PGM5: variants seen among roughly 807,000 people sequenced by gnomAD.
PGM5 encodes the protein phosphoglucomutase 5.
A neutral mutation model predicts 59.2 loss-of-function variants in PGM5; 23 were observed. The ratio of observed to expected loss-of-function variants is 0.39; its 90% CI spans 0.28 to 0.55. The LOEUF (loss-of-function observed/expected upper bound fraction) is 0.55. Among genes scored for constraint, PGM5 ranks in the 20% least tolerant of loss-of-function variants. PGM5 has a pLI of 0.66. For missense variants in PGM5, 574 were observed against 748.3 expected, an observed-to-expected ratio of 0.77 and a Z score of 2.72; for synonymous variants, 214 against 286.0, an observed-to-expected ratio of 0.75 and a Z score of 2.54.
chr9:68,493,890 A>G (rs1432624477), intron 9 of PGM5, among the ~76,000 whole-genome samples: 1 of 152,210 alleles, frequency 6.6e-6, no homozygotes, highest in East Asian at 1.9e-4. Flanking sequence ...ATAGCTGCAT[A>G]TGGACAAGGG....
At chr9:68,480,422 AGGCCAGGTGTG>A (rs1392401215) in intron 8 of PGM5, among the ~76,000 whole-genome samples, 1 of 152,154 alleles carries the variant, frequency 6.6e-6, no homozygotes, top group Non-Finnish European at 1.5e-5. Context: ...AAAGAGGTAC[AGGCCAGGTGTG>A]GTGGCTCACG....
chr9:68,508,556 G>A (rs1824693688), intron 10 of PGM5, among the ~76,000 whole-genome samples: 1 of 152,264 alleles, frequency 6.6e-6, no homozygotes, highest in Admixed American at 6.5e-5. Context: ...CATGTCTAAA[G>A]CACATGCTTA....
intron 9 of PGM5, among the ~76,000 whole-genome samples, chr9:68,489,128 A>G (rs1412867278): frequency 1.3e-5 from 2 of 152,158 alleles, no homozygotes; most frequent in Non-Finnish European, 2.9e-5. Context: ...GTCTCTTACT[A>G]TGATCTTTTC....
chr9:68,428,455 CT>C, intron 6 of PGM5: 2 of 152,296 alleles, frequency 1.3e-5, no homozygotes, highest in East Asian at 1.9e-4. Flanking sequence ...CAAATTCAAA[CT>C]TTTTCATTTC....
chr9:68,521,426 A>G (rs1401935468), intron 10 of PGM5, among the ~76,000 whole-genome samples: 1 of 152,196 alleles, frequency 6.6e-6, no homozygotes, highest in African/African-American at 2.4e-5. Context: ...AAAATGGAGA[A>G]TGGAGAGAGT....
intron 2 of PGM5, among the ~76,000 whole-genome samples, chr9:68,381,614 T>G (rs1367632918): frequency 8.0e-5 from 12 of 149,888 alleles, no homozygotes; most frequent in African/African-American, 2.3e-4. Context: ...ATCCTATATA[T>G]AGAGAATTCT....
intron 1 of PGM5, among the ~76,000 whole-genome samples, chr9:68,373,568 C>T (rs2131986152): frequency 6.6e-6 from 1 of 152,098 alleles, no homozygotes; most frequent in East Asian, 1.9e-4. Flanking sequence ...AGTCCTTGCC[C>T]CAAAGTGGAC....
At chr9:68,478,151 T>C (rs543126201) in intron 7 of PGM5, among the ~76,000 whole-genome samples, 6 of 152,326 alleles carry the variant, frequency 3.9e-5, no homozygotes, top group Admixed American at 6.5e-5. Flanking sequence ...AGAGAGAGCT[T>C]ATAACTGGCT....
At chr9:68,456,395 C>T (rs1177752372) in intron 6 of PGM5, among the ~76,000 whole-genome samples, 1 of 151,718 alleles carries the variant, frequency 6.6e-6, no homozygotes, top group Non-Finnish European at 1.5e-5. Flanking sequence ...ACTGCAATCT[C>T]CGCCTCCCAG....
chr9:68,391,730 T>C lies in PGM5; in HGVS notation c.888+6T>C. ...CTGCATTTGATGCTGATGGGGTAAG[T>C]AGGAAAGCTGTCTGTCTGCTGACCC... On this transcript the variant is annotated splice_donor_region_variant and intron_variant, in intron 5 of 10. Transcript: ENST00000396396. 2 of 1,612,558 alleles carry C rather than the reference T, an allele frequency of 1.2e-6. No homozygotes were observed. The highest frequency in any genetic ancestry group is 1.7e-6 in the Non-Finnish European group (2 of 1,178,976).
chr9:68,469,806 A>G (rs565836720), intron 7 of PGM5, among the ~76,000 whole-genome samples: 1 of 152,358 alleles, frequency 6.6e-6, no homozygotes, highest in African/African-American at 2.4e-5. Flanking sequence ...AAGGTTGGAA[A>G]GATGAAAGGA....
In PGM5 at chr9:68,467,014, G is replaced by A. The variant is rs117548361; in HGVS notation, c.1159+1806G>A. On this transcript the variant is annotated intron_variant, in intron 7 of 10. Coordinates refer to ENST00000396396, the MANE Select transcript of PGM5 (RefSeq NM_021965.4). ...ACCTGGGGATGAGAAGGTTTTTAGC[G>A]TGTACACCTAGGAACATAAAGCATT... Among the ~76,000 whole-genome samples the A allele has an allele frequency of 6.4e-3, 974 of 152,224 alleles. 8 individuals are homozygous for A. The highest frequency in any genetic ancestry group is 0.02 in the Middle Eastern group (6 of 294).
chr9:68,430,871 T>G (rs185565121), intron 6 of PGM5, among the ~76,000 whole-genome samples: 56 of 152,378 alleles, frequency 3.7e-4, no homozygotes, highest in Middle Eastern at 3.4e-3. Flanking sequence ...CTCAGCTGTC[T>G]TTTGTAATTA....
At chr9:68,513,210 G>GA (rs1477449791) in intron 10 of PGM5, among the ~76,000 whole-genome samples, 1 of 152,150 alleles carries the variant, frequency 6.6e-6, no homozygotes, top group Non-Finnish European at 1.5e-5. Flanking sequence ...AAGTTTTAGG[G>GA]AAAAAAATAT....
chr9:68,429,832 A>G (rs1319588598), intron 6 of PGM5, among the ~76,000 whole-genome samples: 6 of 152,218 alleles, frequency 3.9e-5, no homozygotes, highest in Non-Finnish European at 8.8e-5. Flanking sequence ...TGCGATTTAC[A>G]ACAGTTTTCT....
chr9:68,371,206 G>C (rs1821713011), intron 1 of PGM5, among the ~76,000 whole-genome samples: 1 of 152,214 alleles, frequency 6.6e-6, no homozygotes. Flanking sequence ...GCCAAACCCA[G>C]ACCCTATGGT....
chr9:68,357,524 T>C lies in PGM5; in HGVS notation c.261+136T>C, dbSNP rs1587765272. 4 of 1,481,246 alleles carry C rather than the reference T, an allele frequency of 2.7e-6. No individual in the cohort carries two copies. In the East Asian group the frequency reaches 7.4e-5, roughly 28 times the overall value. 91.8% of individuals were successfully genotyped at this position (1,481,246 alleles called of 1,614,324 possible). On this transcript the variant is annotated intron_variant, in intron 1 of 10. Coordinates refer to ENST00000396396, the MANE Select transcript of PGM5 (RefSeq NM_021965.4). ...GCTTTGCTACCTCACTCCCGCGTCC[T>C]CACCCTCCAGCGCCCCACTCCCGCC...
At chr9:68,416,785 T>C (rs772678333) in intron 6 of PGM5, among the ~76,000 whole-genome samples, 9 of 152,222 alleles carry the variant, frequency 5.9e-5, no homozygotes, top group Non-Finnish European at 8.8e-5. Flanking sequence ...TTCTGTTTGG[T>C]CTCTTTAAGC....
chr9:68,444,818 G>T (rs550033383), intron 6 of PGM5, among the ~76,000 whole-genome samples: 18 of 152,294 alleles, frequency 1.2e-4, no homozygotes, highest in Admixed American at 2.6e-4. Flanking sequence ...CCCCTGGAGG[G>T]TGTACAGATA....
Sources: gnomAD v4.1 joint callset for allele counts (sites outside exome capture counted in the v4.1 genomes callset) on GRCh38, gnomAD v4.1.1 for gene constraint, MANE v1.5 for transcripts, NCBI Gene and HGNC (gene_info 2026-07-23, HGNC 2026-07-21) for gene names.